Variants in SYNE1 observed in about 807,000 individuals in gnomAD.
The protein encoded by SYNE1 is nesprin-1.
A neutral mutation model predicts 1,111.0 loss-of-function variants in SYNE1; 616 were observed. That is an observed-to-expected ratio of 0.55 (90% confidence interval 0.52 to 0.59). The LOEUF (loss-of-function observed/expected upper bound fraction) is 0.59, where lower values mean the gene tolerates loss of function less well. Among genes scored for constraint, SYNE1 ranks in the 20% least tolerant of loss-of-function variants. SYNE1 has a pLI of 0.00. For synonymous variants in SYNE1, 3,855 were observed against 3,825.8 expected, an observed-to-expected ratio of 1.01 and a Z score of -0.28; for missense variants, 10,006 against 10,417.0, an observed-to-expected ratio of 0.96 and a Z score of 1.72.
At chr6:152,261,899 A>G in intron 101 of SYNE1, 133 bp downstream of exon 101, 1 of 618,020 alleles carries the variant, frequency 1.6e-6, no homozygotes, top group Middle Eastern at 4.2e-4. Context: ...AGAAAAATGT[A>G]GAGTGAAAAA....
At chr6:152,575,641 T>A (rs1336950455) in intron 3 of SYNE1, among the ~76,000 whole-genome samples, 3 of 152,344 alleles carry the variant, frequency 2.0e-5, no homozygotes, top group Non-Finnish European at 4.4e-5. Context: ...ATAAACATGA[T>A]CTTTGCAGTC....
chr6:152,197,381 T>C (rs2074379929), intron 127 of SYNE1, among the ~76,000 whole-genome samples: 1 of 152,258 alleles, frequency 6.6e-6, no homozygotes, highest in Non-Finnish European at 1.5e-5. Context: ...ATGTTCTTAC[T>C]GCCATCTGCA....
In SYNE1 at chr6:152,430,518, TA is replaced by T; in HGVS notation, c.4652del (p.Leu1551TyrfsTer55). 1 of 1,614,108 alleles carries T rather than the reference TA, an allele frequency of 6.2e-7. No individual in the cohort carries two copies. The highest frequency in any genetic ancestry group is 8.5e-7 in the Non-Finnish European group (1 of 1,179,972). On this transcript the variant is annotated frameshift_variant, in exon 35 of 146. Transcript: ENST00000367255. LOFTEE classifies it high-confidence loss of function. The stretch of plus-strand genomic sequence containing the variant: ...TCTCTTCAAACTTTTGCTGCTGAGA[TA>T]AATGTCCCAGGATTGTTCCTTCCAG... ...QCLEGTILGH[L>X]SQQQKFEENL...
chr6:152,295,352 G>C (rs1172334739), intron 93 of SYNE1, among the ~76,000 whole-genome samples: 1 of 152,076 alleles, frequency 6.6e-6, no homozygotes, highest in Non-Finnish European at 1.5e-5. Context: ...TCCTAACCCT[G>C]TCACTGTCTT....
intron 130 of SYNE1, among the ~76,000 whole-genome samples, chr6:152,171,015 A>G (rs2065070922): frequency 6.6e-6 from 1 of 152,152 alleles, no homozygotes; most frequent in Non-Finnish European, 1.5e-5. Context: ...GTCTGCCACC[A>G]TGTAAGATGT....
rs577548641 is a variant in SYNE1, at chr6:152,323,623, C to A, written c.15772G>T (p.Val5258Phe). The change falls in exon 82 of 146, where the codon GTT becomes TTT. Residue 5258 changes from valine (V) to phenylalanine (F), a missense_variant. Coordinates refer to ENST00000367255, the MANE Select transcript of SYNE1 (RefSeq NM_182961.4). ...GACTGCTGCTGCTCCAGCTCCAGAA[C>A]GAACGTGTCGTGGTATTCAAGAAGA... is the stretch of plus-strand genomic sequence containing the variant. ...LTLLEYHDTF[V>F]LELEQQQSAL... 1.9e-6 allele frequency: 3 copies of A among 1,614,104 alleles called. No homozygotes were observed. Among genetic ancestry groups the A allele is most frequent in the Admixed American group, 1.7e-5 (1 of 60,012 alleles).
At chr6:152,618,248 A>G (rs1178225797) in intron 3 of SYNE1, among the ~76,000 whole-genome samples, 1 of 152,246 alleles carries the variant, frequency 6.6e-6, no homozygotes, top group Admixed American at 6.5e-5. Context: ...ATCTGTGAGA[A>G]GCCCCAGAAA....
intron 47 of SYNE1, among the ~76,000 whole-genome samples, chr6:152,400,153 AT>A (rs1379553746): frequency 6.6e-6 from 1 of 152,074 alleles, no homozygotes; most frequent in African/African-American, 2.4e-5. Flanking sequence ...CGCAGTTCAC[AT>A]TCTTCAATGA....
intron 76 of SYNE1, chr6:152,336,182 TCA>T (rs202145525): frequency 0.019 from 1,919 of 99,288 alleles, 27 homozygotes; most frequent in Non-Finnish European, 0.029. Context: ...GTTTGCTTAG[TCA>T]CAGAGTTTTC....
At chr6:152,361,845 TAAAA>T (rs71749478) in intron 64 of SYNE1, among the ~76,000 whole-genome samples, 4 of 137,676 alleles carry the variant, frequency 2.9e-5, no homozygotes, top group Admixed American at 7.2e-5. Context: ...AGGGATGTGA[TAAAA>T]AAAAAAAAAA....
At chr6:152,450,599 C>T (rs1255567913) in intron 27 of SYNE1, 26 bp downstream of exon 27, 2 of 1,595,342 alleles carry the variant, frequency 1.3e-6, no homozygotes, top group East Asian at 2.2e-5. Context: ...GACTACACCC[C>T]TCTCTGGAGG....
chr6:152,182,951 T>C (rs2068546376), intron 128 of SYNE1, among the ~76,000 whole-genome samples: 1 of 150,478 alleles, frequency 6.6e-6, no homozygotes, highest in East Asian at 2.0e-4. Flanking sequence ...TTGAGGTTTT[T>C]GGAGGCAGAA....
intron 108 of SYNE1, among the ~76,000 whole-genome samples, chr6:152,238,807 T>C (rs1179812546): frequency 6.6e-6 from 1 of 152,120 alleles, no homozygotes; most frequent in African/African-American, 2.4e-5. Context: ...TCCACGGGGT[T>C]CTATAGCTTG....
At chr6:152,275,123 T>A (rs1418752783) in intron 98 of SYNE1, among the ~76,000 whole-genome samples, 2 of 152,196 alleles carry the variant, frequency 1.3e-5, no homozygotes, top group African/African-American at 2.4e-5. Context: ...CCCAGGCTGG[T>A]CTTGAACTTC....
intron 82 of SYNE1, among the ~76,000 whole-genome samples, chr6:152,322,365 T>C (rs2095891328): frequency 6.6e-6 from 1 of 151,482 alleles, no homozygotes; most frequent in South Asian, 2.1e-4. Flanking sequence ...TTTTAAAAAG[T>C]GTTAGGTTAC....
At chr6:152,129,334 C>T (rs564965166) in intron 145 of SYNE1, 1 of 152,304 alleles carries the variant, frequency 6.6e-6, no homozygotes, top group Admixed American at 6.5e-5. Context: ...TCTCTGGTAT[C>T]CTCGAAGGAA....
chr6:152,547,592 G>A (rs2099320414), intron 3 of SYNE1, among the ~76,000 whole-genome samples: 1 of 152,100 alleles, frequency 6.6e-6, no homozygotes, highest in Non-Finnish European at 1.5e-5. Context: ...CAGAGGCCTA[G>A]GATATGATGG....
At chr6:152,599,277 G>C (rs952850926) in intron 3 of SYNE1, among the ~76,000 whole-genome samples, 12 of 152,178 alleles carry the variant, frequency 7.9e-5, no homozygotes, top group African/African-American at 2.9e-4. Context: ...TCTAGTAAGT[G>C]CTTGGAATAC....
At chr6:152,443,350 C>T (rs2295043) in intron 30 of SYNE1, among the ~76,000 whole-genome samples, 22,046 of 152,040 alleles carry the variant, frequency 0.15, 1,774 homozygotes, top group East Asian at 0.37. Context: ...TTGCAAGCTC[C>T]GTCTCCCGGG....
Sources: gnomAD v4.1 joint callset for allele counts (sites outside exome capture counted in the v4.1 genomes callset) on GRCh38, gnomAD v4.1.1 for gene constraint, MANE v1.5 for transcripts, NCBI Gene and HGNC (gene_info 2026-07-23, HGNC 2026-07-21) for gene names.